Variants in SPATA13 observed in about 807,000 individuals in gnomAD.
SPATA13 encodes the protein spermatogenesis associated 13.
SPATA13 carries 50 observed loss-of-function variants against 104.0 expected under a neutral mutation model. The observed-to-expected ratio is 0.48, with a 90% confidence interval of 0.38 to 0.61. SPATA13 has a LOEUF of 0.61. Ranked by LOEUF, SPATA13 falls within the 20% of genes least tolerant of loss-of-function variation. The probability of loss-of-function intolerance (pLI) is 0.00; values close to 1 mark genes in which losing one functional copy is unlikely to be tolerated. For synonymous variants in SPATA13, 606 were observed against 667.5 expected (o/e 0.91, Z 1.42); for missense variants, 1,524 against 1,690.6 (o/e 0.90, Z 1.73).
chr13:24,112,727 A>G (rs1249662154), intron 3 of SPATA13, among the ~76,000 whole-genome samples: 4 of 152,126 alleles, frequency 2.6e-5, no homozygotes, highest in Non-Finnish European at 5.9e-5. Flanking sequence ...CTTGATCCAC[A>G]GTTCTCTGTT....
chr13:24,290,690 C>T lies in SPATA13; in HGVS notation c.2886C>T (p.Asn962=). 6.2e-7 allele frequency: 1 copy of T among 1,614,218 alleles called. No homozygotes were observed. The highest frequency in any genetic ancestry group is 1.1e-5 in the South Asian group (1 of 91,080). Residue 962 remains asparagine, a synonymous_variant, in exon 9 of 13, where the codon AAC becomes AAT. Transcript: ENST00000382108. ...GFAIYSEYCN[N]HPGACLELAN... ...CCATCTATTCCGAGTACTGCAACAA[C>T]CACCCGGGCGCCTGCCTGGAGCTCG...
chr13:24,191,220 C>T (rs1386635330), intron 1 of SPATA13, among the ~76,000 whole-genome samples: 4 of 152,156 alleles, frequency 2.6e-5, no homozygotes, highest in Non-Finnish European at 5.9e-5. Flanking sequence ...AAACAATCCT[C>T]CTGCCTCGGC....
chr13:24,123,147 C>G lies in SPATA13; in HGVS notation c.-111-99672C>G, dbSNP rs1881095289. On this transcript the variant is annotated intron_variant, in intron 3 of 14. Transcript: ENST00000424834. ...GGTAAGGTCATCATTTTCTGTTTCTCTGATAATATGAAGAAGAGCCTGCAT... is the reference window on the plus strand; with the variant it reads ...GGTAAGGTCATCATTTTCTGTTTCTGTGATAATATGAAGAAGAGCCTGCAT... 6.3e-6 allele frequency: 7 copies of G among 1,116,182 alleles called. No homozygotes were observed. In the Admixed American group the frequency reaches 1.2e-4, roughly 19 times the overall value. 69.1% of individuals were successfully genotyped at this position (1,116,182 alleles called of 1,614,324 possible).
At chr13:24,022,944 T>TTTTA (rs1877051407) in intron 3 of SPATA13, among the ~76,000 whole-genome samples, 1 of 152,038 alleles carries the variant, frequency 6.6e-6, no homozygotes. Context: ...CTTCTTTTTT[T>TTTTA]TTATTATTAT....
rs1327146146 is a variant in SPATA13 at position 24,306,305 on chromosome 13, G to T, written c.*3532G>T. Reference sequence around the variant, plus strand: ...AGCCAAATTGCTGATACTCCTTCATGCAGATCAACTTGGTGTCCCAGTCAG... The same window carrying T: ...AGCCAAATTGCTGATACTCCTTCATTCAGATCAACTTGGTGTCCCAGTCAG... On this transcript the variant is annotated 3_prime_UTR_variant, in exon 13 of 13. Transcript: ENST00000382108. 6.6e-6 allele frequency: 1 copy of T among 152,222 alleles called. No homozygotes were observed. The highest frequency in any genetic ancestry group is 2.4e-5 in the African/African-American group (1 of 41,440). 9.4% of individuals were successfully genotyped at this position (152,222 alleles called of 1,614,324 possible).
At chr13:24,020,535 G>A (rs376968984) in intron 3 of SPATA13, among the ~76,000 whole-genome samples, 1 of 152,122 alleles carries the variant, frequency 6.6e-6, no homozygotes, top group Non-Finnish European at 1.5e-5. Context: ...AACCTTAAAC[G>A]AATTGTATTT....
chr13:24,133,320 A>G lies in SPATA13; in HGVS notation c.-111-89499A>G, dbSNP rs552164091. ...TAAGTTCATCTGGTAGAGATTGTGT[A>G]AGCCCAGTTGGAAATAGTGGCTCCT... is the stretch of plus-strand genomic sequence containing the variant. On this transcript the variant is annotated intron_variant, in intron 3 of 14. Coordinates refer to the SPATA13 transcript ENST00000424834. 2.0e-4 allele frequency among the ~76,000 whole-genome samples: 30 copies of G among 152,360 alleles called. 1 individual carries two copies. The South Asian group carries it at 5.6e-3, about 28-fold the overall frequency.
chr13:24,129,905 G>A (rs546626040), intron 3 of SPATA13, among the ~76,000 whole-genome samples: 3 of 152,148 alleles, frequency 2.0e-5, no homozygotes, highest in Admixed American at 2.0e-4. Context: ...TTAGGACCTC[G>A]CAGGACCCTG....
intron 3 of SPATA13, among the ~76,000 whole-genome samples, chr13:24,118,869 TTCC>T (rs1880938888): frequency 6.6e-6 from 1 of 152,080 alleles, no homozygotes; most frequent in Non-Finnish European, 1.5e-5. Context: ...TTTACAAAGA[TTCC>T]AACTCTGTCA....
chr13:24,122,881 C>T lies in SPATA13; in HGVS notation c.-111-99938C>T, dbSNP rs77318010. On this transcript the variant is annotated intron_variant, in intron 3 of 14. Coordinates refer to the SPATA13 transcript ENST00000424834. ...ACATGCTGTTGTAAAACAGTAGGAA[C>T]GACCTGTAAGCAGATTCCCTCGAGC... 4.0e-3 allele frequency: 3,078 copies of T among 773,730 alleles called. 72 individuals carry two copies. In the African/African-American group the frequency reaches 0.046, roughly 12 times the overall value. The allele number at this position is 773,730 out of a possible 1,614,324, so 47.9% of individuals were successfully genotyped here.
Position 24,302,810 on chromosome 13 carries a change from A to G in SPATA13, c.*37A>G, listed in dbSNP as rs770955634. On this transcript the variant is annotated 3_prime_UTR_variant, in exon 13 of 13. Coordinates refer to ENST00000382108, the MANE Select transcript of SPATA13 (RefSeq NM_001166271.3). Reference sequence around the variant, plus strand: ...TGTGCTTCCATGGAGCTGGGTGTCAAGAGAAGAACTGTCTTTGTTTCTTGT... The same window carrying G: ...TGTGCTTCCATGGAGCTGGGTGTCAGGAGAAGAACTGTCTTTGTTTCTTGT... The G allele has an allele frequency of 6.2e-7, 1 of 1,613,396 alleles. No individual in the cohort carries two copies. Among genetic ancestry groups the G allele is most frequent in the Non-Finnish European group, 8.5e-7 (1 of 1,179,568 alleles).
chr13:24,246,627 C>T (rs760734749), intron 2 of SPATA13, among the ~76,000 whole-genome samples: 13 of 152,060 alleles, frequency 8.5e-5, no homozygotes, highest in Non-Finnish European at 1.8e-4. Flanking sequence ...TGGGAAGCTG[C>T]AGTGGGTGGA....
intron 3 of SPATA13, among the ~76,000 whole-genome samples, chr13:24,113,613 T>C (rs768809813): frequency 3.9e-5 from 6 of 152,046 alleles, no homozygotes; most frequent in Admixed American, 6.5e-5. Flanking sequence ...GGCTTAAGCC[T>C]GTAATCCCAG....
At chr13:24,166,949 C>T (rs907392175) in intron 1 of SPATA13, among the ~76,000 whole-genome samples, 2 of 152,222 alleles carry the variant, frequency 1.3e-5, no homozygotes, top group African/African-American at 2.4e-5. Flanking sequence ...GGGACACATA[C>T]ATTCAGACCG....
rs1875912076 is a variant in SPATA13 at position 24,286,056 on chromosome 13, T to C, written c.2302-158T>C. 6.6e-6 allele frequency among the ~76,000 whole-genome samples: 1 copy of C among 152,238 alleles called. No homozygotes were observed. The highest frequency in any genetic ancestry group is 1.5e-5 in the Non-Finnish European group (1 of 68,046). ...TCTTAGTCTGTTCTCCTGGGTTCTCTTTGTGTAACCAGTCACATAGTCAGT... is the reference window on the plus strand; with the variant it reads ...TCTTAGTCTGTTCTCCTGGGTTCTCCTTGTGTAACCAGTCACATAGTCAGT... On this transcript the variant is annotated intron_variant, in intron 5 of 12. Transcript: ENST00000382108. This position sits in a 1 kb window ranked among gnomAD's most constrained non-coding sequence, Gnocchi z 4.9.
chr13:24,040,597 G>A (rs188982420), intron 3 of SPATA13, among the ~76,000 whole-genome samples: 2 of 152,152 alleles, frequency 1.3e-5, no homozygotes, highest in African/African-American at 2.4e-5. Flanking sequence ...GGAGACACAG[G>A]GGTCCAGGAC....
At chr13:24,189,111 A>G (rs1028380618) in intron 1 of SPATA13, among the ~76,000 whole-genome samples, 3 of 152,154 alleles carry the variant, frequency 2.0e-5, no homozygotes, top group African/African-American at 7.2e-5. Context: ...CTGCCTGCTA[A>G]TACAGCATCC....
chr13:24,102,068 T>G (rs111892356), intron 3 of SPATA13, among the ~76,000 whole-genome samples: 1 of 152,196 alleles, frequency 6.6e-6, no homozygotes, highest in Non-Finnish European at 1.5e-5. Flanking sequence ...ATTTTTTCCA[T>G]AGCAGCTGCA....
At chr13:24,203,527 G>T (rs1175682580) in intron 1 of SPATA13, among the ~76,000 whole-genome samples, 1 of 152,152 alleles carries the variant, frequency 6.6e-6, no homozygotes, top group Non-Finnish European at 1.5e-5. Flanking sequence ...CTTTGCTGTT[G>T]AGGATTGGAT....
Sources: gnomAD v4.1 joint callset for allele counts (sites outside exome capture counted in the v4.1 genomes callset) on GRCh38, gnomAD v4.1.1 for gene constraint, Gnocchi (gnomAD v3.1) non-coding constraint, MANE v1.5 for transcripts, NCBI Gene and HGNC (gene_info 2026-07-23, HGNC 2026-07-21) for gene names.